The following GPHN variants were observed in gnomAD, a reference collection of about 807,000 sequenced individuals.
The protein encoded by GPHN is gephyrin.
A neutral mutation model predicts 95.5 loss-of-function variants in GPHN; 17 were observed. The observed-to-expected ratio is 0.18, with a 90% CI of 0.12 to 0.27. GPHN has a LOEUF of 0.27. GPHN is among the 10% of genes least tolerant of loss of function. The pLI is 1.00. For missense variants in GPHN, 660 were observed against 978.1 expected (o/e 0.67, Z 4.34); for synonymous variants, 320 against 322.5 (o/e 0.99, Z 0.08).
chr14:67,126,073 A>T (rs2079296546), intron 17 of GPHN, among the ~76,000 whole-genome samples: 1 of 152,142 alleles, frequency 6.6e-6, no homozygotes. Context: ...TACTGGAGGG[A>T]TGCTTCAAAT....
the GPHN span, among the ~76,000 whole-genome samples, chr14:67,430,760 G>C: frequency 2.8e-4 from 42 of 152,282 alleles, no homozygotes; most frequent in Admixed American, 1.0e-3. Flanking sequence ...TGGAGGGCCT[G>C]CTCATCAGTA....
At chr14:67,340,542 T>C in the GPHN span, 5 of 1,570,034 alleles carry the variant, frequency 3.2e-6, no homozygotes, top group African/African-American at 2.7e-5. Context: ...AAAAATAATA[T>C]GTGTGAGAAC....
intron 1 of GPHN, among the ~76,000 whole-genome samples, chr14:66,533,100 AT>A (rs1457502288): frequency 6.6e-6 from 1 of 152,192 alleles, no homozygotes; most frequent in East Asian, 1.9e-4. Context: ...CAAGTTAATA[AT>A]TTGTTAATTA....
chr14:67,643,830 C>G, the GPHN span, among the ~76,000 whole-genome samples: 3 of 119,522 alleles, frequency 2.5e-5, no homozygotes, highest in African/African-American at 6.4e-5. Flanking sequence ...TCTGGAGAAG[C>G]AGGTAGATTC....
At chr14:67,578,654 T>C in the GPHN span, 3 of 1,475,344 alleles carry the variant, frequency 2.0e-6, no homozygotes, top group Non-Finnish European at 1.9e-6. This position sits in a 1 kb window ranked among gnomAD's most constrained non-coding sequence, Gnocchi z 5.0. Context: ...GGCCGTTTCC[T>C]CTGCCACTTG....
chr14:66,575,405 A>G (rs552139298), intron 1 of GPHN, among the ~76,000 whole-genome samples: 5 of 152,234 alleles, frequency 3.3e-5, no homozygotes, highest in Non-Finnish European at 5.9e-5. Context: ...ATTTTAATGT[A>G]TCCCAATTAT....
chr14:67,001,130 C>T (rs2072191772), intron 9 of GPHN, among the ~76,000 whole-genome samples: 1 of 151,430 alleles, frequency 6.6e-6, no homozygotes, highest in African/African-American at 2.4e-5. Flanking sequence ...AATATATAAA[C>T]TATATGTATC....
chr14:67,418,179 C>T, the GPHN span, among the ~76,000 whole-genome samples: 2 of 152,098 alleles, frequency 1.3e-5, no homozygotes, highest in Non-Finnish European at 2.9e-5. Context: ...GGTATTATTC[C>T]CATTCTGTAG....
At chr14:67,695,846 C>G in the GPHN span, 1 of 714,000 alleles carries the variant, frequency 1.4e-6, no homozygotes, top group Non-Finnish European at 2.3e-6. Flanking sequence ...AGCTTGACAG[C>G]CTCAGGCTGG....
chr14:66,922,793 C>G lies in GPHN; in HGVS notation c.584C>G (p.Pro195Arg). 6.2e-7 allele frequency: 1 copy of G among 1,613,764 alleles called. No individual in the cohort carries two copies. Among genetic ancestry groups the G allele is most frequent in the Non-Finnish European group, 8.5e-7 (1 of 1,179,734 alleles). ...DLPSPPPPLSPPPTTSPHKQT... is the reference protein window; with the variant it reads ...DLPSPPPPLSRPPTTSPHKQT... The stretch of plus-strand genomic sequence containing the variant: ...CCTTCCCCACCTCCCCCTCTTTCCC[C>G]TCCTCCTACTACCAGCCCCCATAAA... Residue 195 changes from proline (P) to arginine (R), a missense_variant, in exon 7 of 23, where the codon CCT (proline) becomes CGT (arginine). This residue lies in a region of GPHN where 190 missense variants were observed against 224.7 expected (regional missense o/e 0.85). Transcript: ENST00000478722.
Position 66,613,078 on chromosome 14 carries a change from C to T in GPHN, c.65-68029C>T, listed in dbSNP as rs147703452. Among the ~76,000 whole-genome samples the T allele has an allele frequency of 3.7e-3, 564 of 151,980 alleles. 2 individuals are homozygous for T. The highest frequency in any genetic ancestry group is 0.013 in the African/African-American group (524 of 41,454). On this transcript the variant is annotated intron_variant, in intron 1 of 22. Transcript: ENST00000478722. ...CTCTAGTTATGTTCTGTAAAGTCACCGTGGACACTGAATTATTGAATACTG... is the reference window on the plus strand; with the variant it reads ...CTCTAGTTATGTTCTGTAAAGTCACTGTGGACACTGAATTATTGAATACTG...
chr14:66,793,058 C>A (rs1566950793), intron 3 of GPHN, among the ~76,000 whole-genome samples: 1 of 152,260 alleles, frequency 6.6e-6, no homozygotes, highest in East Asian at 1.9e-4. Context: ...GTTCCTTGCC[C>A]TCATTCCCGT....
chr14:66,939,617 CCCGTAACT>C (rs2067305133), intron 8 of GPHN, among the ~76,000 whole-genome samples: 1 of 152,148 alleles, frequency 6.6e-6, no homozygotes, highest in South Asian at 2.1e-4. Flanking sequence ...TTCCAAACTT[CCCGTAACT>C]CCACCCCATC....
At chr14:66,776,293 T>C (rs1473307592) in intron 2 of GPHN, among the ~76,000 whole-genome samples, 171 bp from the exon 3 acceptor site, 1 of 152,074 alleles carries the variant, frequency 6.6e-6, no homozygotes, top group Non-Finnish European at 1.5e-5. Context: ...TATCTACCTC[T>C]TTTAAACTAA....
At chr14:67,576,801 G>A in the GPHN span, among the ~76,000 whole-genome samples, 1 of 152,192 alleles carries the variant, frequency 6.6e-6, no homozygotes, top group Non-Finnish European at 1.5e-5. This position sits in a 1 kb window ranked among gnomAD's most constrained non-coding sequence, Gnocchi z 4.0. Flanking sequence ...AGGAAAGAAG[G>A]TAGCTGGTTA....
intron 1 of GPHN, among the ~76,000 whole-genome samples, chr14:66,570,125 A>T (rs771186313): frequency 1.5e-4 from 23 of 151,242 alleles, no homozygotes; most frequent in Admixed American, 2.6e-4. Context: ...AGATATATAT[A>T]TTTTTTTTAA....
intron 3 of GPHN, 79 bp downstream of exon 3, chr14:66,776,600 C>T (rs2059390633): frequency 1.2e-6 from 1 of 834,466 alleles, no homozygotes; most frequent in Non-Finnish European, 2.1e-6. Context: ...TTTCTTTATG[C>T]CATTGATATT....
chr14:67,193,335 TAG>T, the GPHN span, among the ~76,000 whole-genome samples: 1 of 138,948 alleles, frequency 7.2e-6, no homozygotes, highest in Non-Finnish European at 1.6e-5. Context: ...TATCTCTATA[TAG>T]ATATCTATCT....
the GPHN span, chr14:67,586,812 CTAA>C: frequency 2.1e-6 from 3 of 1,441,996 alleles, no homozygotes; most frequent in Non-Finnish European, 2.7e-6. Context: ...GGTTGTAGAG[CTAA>C]CCAGAGCAGA....
Sources: allele counts gnomAD v4.1 joint callset (sites outside exome capture counted in the v4.1 genomes callset), GRCh38; gene constraint gnomAD v4.1.1; regional missense constraint gnomAD v4.1.1; non-coding constraint Gnocchi (gnomAD v3.1); transcripts MANE v1.5; gene names NCBI Gene and HGNC (gene_info 2026-07-23, HGNC 2026-07-21).